ZNF532: variants seen among roughly 807,000 people sequenced by gnomAD.
ZNF532 encodes zinc finger protein 532.
Under a neutral mutation model 89.3 loss-of-function variants are expected in ZNF532, and 22 were observed. The observed-to-expected ratio is 0.25, with a 90% CI of 0.18 to 0.35. The LOEUF (loss-of-function observed/expected upper bound fraction) is 0.35. Among genes scored for constraint, ZNF532 ranks in the 10% least tolerant of loss-of-function variants. The pLI, the probability that ZNF532 is intolerant of heterozygous loss-of-function variation, is 1.00. For synonymous variants in ZNF532, 606 were observed against 649.6 expected (o/e 0.93, Z 1.02); for missense variants, 1,132 against 1,643.4 (o/e 0.69, Z 5.38).
Position 58,981,542 on chromosome 18 carries a change from C to T in ZNF532, c.3336C>T (p.Gly1112=). The change falls in exon 9 of 10, where the codon GGC becomes GGT. Residue 1112 remains glycine (G), a synonymous_variant. Transcript: ENST00000591808. ...AGAAGCACGTCCAGCTGATGCATGG[C>T]ATCAAGGACCCTGACCTGAAAGAAA... ...MLEKHVQLMH[G]IKDPDLKEMT... 1 of 1,614,146 alleles carries T rather than the reference C, an allele frequency of 6.2e-7. No homozygotes were observed. Among genetic ancestry groups the T allele is most frequent in the Non-Finnish European group, 8.5e-7 (1 of 1,180,008 alleles).
At chr18:58,965,211 A>G (rs2065800983) in intron 7 of ZNF532, among the ~76,000 whole-genome samples, 1 of 152,136 alleles carries the variant, frequency 6.6e-6, no homozygotes, top group African/African-American at 2.4e-5. Flanking sequence ...ATATTGAACT[A>G]TTGGTGATTT....
chr18:58,918,417 A>G lies in ZNF532; in HGVS notation c.130A>G (p.Asn44Asp). 1 of 1,614,210 alleles carries G rather than the reference A, an allele frequency of 6.2e-7. No homozygotes were observed. Among genetic ancestry groups the G allele is most frequent in the East Asian group, 2.2e-5 (1 of 44,880 alleles). ...HDDHESHMKQNAHGEDDSHAP... is the reference protein window; with the variant it reads ...HDDHESHMKQDAHGEDDSHAP... The stretch of plus-strand genomic sequence containing the variant: ...TGACCATGAAAGCCACATGAAGCAG[A>G]ATGCTCACGGAGAGGATGACTCCCA... Residue 44 changes from asparagine (N) to aspartate (D), a missense_variant, in exon 3 of 10, where the codon AAT (asparagine) becomes GAT (aspartate). Physicochemically the swap from Asn to Asp is conservative, Grantham distance 23. Coordinates refer to ENST00000591808, the MANE Select transcript of ZNF532 (RefSeq NM_001375912.1).
intron 7 of ZNF532, among the ~76,000 whole-genome samples, chr18:58,974,197 G>A (rs1603337895): frequency 6.6e-6 from 1 of 152,050 alleles, no homozygotes; most frequent in Non-Finnish European, 1.5e-5. Context: ...CAATATGAAG[G>A]AATATAGTGA....
chr18:58,890,382 C>T (rs1262598387), intron 2 of ZNF532, among the ~76,000 whole-genome samples: 3 of 151,946 alleles, frequency 2.0e-5, no homozygotes, highest in African/African-American at 7.3e-5. Context: ...TTCTTCTACC[C>T]AGAGGGCCAT....
At chr18:58,963,776 C>G (rs936482346) in intron 7 of ZNF532, among the ~76,000 whole-genome samples, 1 of 141,704 alleles carries the variant, frequency 7.1e-6, no homozygotes, top group Non-Finnish European at 1.5e-5. Flanking sequence ...GAGCCGCAGT[C>G]GTGTCACTGC....
intron 7 of ZNF532, among the ~76,000 whole-genome samples, chr18:58,960,357 C>T (rs1229555372): frequency 6.6e-6 from 1 of 152,168 alleles, no homozygotes; most frequent in South Asian, 2.1e-4. Context: ...GCCAATTTTC[C>T]ATCTTTACAT....
intron 7 of ZNF532, among the ~76,000 whole-genome samples, chr18:58,962,414 T>C (rs2065447373): frequency 1.3e-5 from 2 of 152,114 alleles, no homozygotes; most frequent in Non-Finnish European, 2.9e-5. Context: ...GGTTTCACAG[T>C]TAATCTAATT....
rs775413320 is a variant in ZNF532, at chr18:58,934,650, C to T, written c.2528+36C>T. 144 of 1,585,996 alleles carry T rather than the reference C, an allele frequency of 9.1e-5. 1 individual carries two copies. The highest frequency in any genetic ancestry group is 1.1e-4 in the Non-Finnish European group (130 of 1,163,124). On this transcript the variant is annotated intron_variant, in intron 4 of 9. Transcript: ENST00000591808. Reference sequence around the variant, plus strand: ...CATTCACTTATGTGCAAGTAAAACTCGTTCACTTACAACCGCACAGCATTT... The same window carrying T: ...CATTCACTTATGTGCAAGTAAAACTTGTTCACTTACAACCGCACAGCATTT...
chr18:58,935,110 CCA>C, intron 4 of ZNF532, among the ~76,000 whole-genome samples: 2 of 129,898 alleles, frequency 1.5e-5, no homozygotes, highest in Non-Finnish European at 3.3e-5. Context: ...CTCCTCCTCC[CCA>C]CTCCTCCTCC....
chr18:58,927,801 A>G (rs2061648004), intron 3 of ZNF532, among the ~76,000 whole-genome samples: 1 of 152,178 alleles, frequency 6.6e-6, no homozygotes, highest in East Asian at 1.9e-4. Context: ...GGAGACTTTC[A>G]GACCCCAATC....
At chr18:58,964,317 A>C (rs1356566669) in intron 7 of ZNF532, 1 of 152,154 alleles carries the variant, frequency 6.6e-6, no homozygotes, top group Non-Finnish European at 1.5e-5. Flanking sequence ...TTGTGATCTC[A>C]AGGTTTTAGG....
chr18:58,872,698 C>CTTTT lies in ZNF532; in HGVS notation c.-18+7135_-18+7138dup, dbSNP rs146289274. ...CTTCTCTCTGCCTTCCAACATTTAT[C>CTTTT]TTTTTTTTTTTTTTTTTTTGAGACC... On this transcript the variant is annotated intron_variant, in intron 2 of 9. Transcript: ENST00000591808. Among the ~76,000 whole-genome samples the CTTTT allele has an allele frequency of 6.9e-4, 95 of 138,592 alleles. 1 individual carries two copies. Among genetic ancestry groups the CTTTT allele is most frequent in the Middle Eastern group, 3.9e-3 (1 of 256 alleles). The allele number at this position is 138,592 out of a possible 152,430, so 90.9% of individuals were successfully genotyped here.
At chr18:58,946,563 A>G (rs968330515) in intron 5 of ZNF532, among the ~76,000 whole-genome samples, 15 of 152,182 alleles carry the variant, frequency 9.9e-5, no homozygotes, top group African/African-American at 3.4e-4. Context: ...ATGAGCCACC[A>G]TGCTGGCCTA....
intron 7 of ZNF532, among the ~76,000 whole-genome samples, chr18:58,957,861 C>T (rs145993390): frequency 2.0e-5 from 3 of 152,052 alleles, no homozygotes; most frequent in Non-Finnish European, 2.9e-5. Context: ...GTCAGGAGTT[C>T]GAGACCCCCC....
At chr18:58,962,735 G>A (rs1250811867) in intron 7 of ZNF532, among the ~76,000 whole-genome samples, 1 of 151,962 alleles carries the variant, frequency 6.6e-6, no homozygotes, top group Non-Finnish European at 1.5e-5. Context: ...CTGAATAGCT[G>A]GGACTACAGG....
chr18:58,892,737 T>G (rs973543372), intron 2 of ZNF532, among the ~76,000 whole-genome samples: 1 of 152,218 alleles, frequency 6.6e-6, no homozygotes, highest in Admixed American at 6.5e-5. Flanking sequence ...ATTTTGAATC[T>G]AAGAGGTTCT....
chr18:58,916,852 A>T (rs1307128239), intron 2 of ZNF532: 1 of 504,042 alleles, frequency 2.0e-6, no homozygotes, highest in African/African-American at 2.1e-5. Flanking sequence ...TACTTTTATT[A>T]GGAATGTGTG....
intron 2 of ZNF532, among the ~76,000 whole-genome samples, chr18:58,904,041 A>G (rs748606185): frequency 1.2e-4 from 18 of 152,138 alleles, no homozygotes; most frequent in East Asian, 7.7e-4. Flanking sequence ...TTATCGTTCA[A>G]TATGTTCTTC....
intron 2 of ZNF532, among the ~76,000 whole-genome samples, chr18:58,888,966 G>T (rs1250002372): frequency 8.0e-6 from 1 of 125,698 alleles, no homozygotes; most frequent in Non-Finnish European, 1.6e-5. Flanking sequence ...CAGCATTTAG[G>T]TTTTTTTGTT....
Sources: allele counts gnomAD v4.1 joint callset (sites outside exome capture counted in the v4.1 genomes callset), GRCh38; gene constraint gnomAD v4.1.1; transcripts MANE v1.5; gene names NCBI Gene and HGNC (gene_info 2026-07-23, HGNC 2026-07-21).